DPP6: variants seen among roughly 807,000 people sequenced by gnomAD.
DPP6 encodes the protein A-type potassium channel modulatory protein DPP6.
A neutral mutation model predicts 122.6 loss-of-function variants in DPP6; 69 were observed. That is an observed-to-expected ratio of 0.56 (90% CI 0.46 to 0.69). The LOEUF (loss-of-function observed/expected upper bound fraction) is 0.69. DPP6 is among the 30% of genes least tolerant of loss of function. The probability of loss-of-function intolerance (pLI) is 0.00; values close to 1 mark genes in which losing one functional copy is unlikely to be tolerated. For missense variants in DPP6, 928 were observed against 1,116.9 expected, an observed-to-expected ratio of 0.83 and a Z score of 2.41; for synonymous variants, 418 against 433.1, an observed-to-expected ratio of 0.97 and a Z score of 0.43.
At position 154,313,685 on chromosome 7, in the gene DPP6, GTATATATATATA is replaced by G. The variant is rs1170662489; in HGVS notation, c.244-132510_244-132499del. On this transcript the variant is annotated intron_variant, in intron 1 of 25. Transcript: ENST00000377770. ...AAGCAACAAGATATTTTAAGATATG[GTATATATATATA>G]TATATATATATATATATACACACAC... is the stretch of plus-strand genomic sequence containing the variant. Among the ~76,000 whole-genome samples the G allele has an allele frequency of 1.3e-3, 27 of 20,470 alleles. 6 individuals carry two copies. The East Asian group carries it at 0.016, about 12-fold the overall frequency. 13.4% of individuals were successfully genotyped at this position (20,470 alleles called of 152,430 possible).
chr7:153,982,055 T>A (rs1796616196), intron 1 of DPP6, among the ~76,000 whole-genome samples: 1 of 152,222 alleles, frequency 6.6e-6, no homozygotes, highest in Non-Finnish European at 1.5e-5. Context: ...ATCTTTGTGG[T>A]GTTCTCTGTA....
At chr7:154,108,468 G>A (rs1806327063) in intron 1 of DPP6, among the ~76,000 whole-genome samples, 1 of 152,140 alleles carries the variant, frequency 6.6e-6, no homozygotes, top group Non-Finnish European at 1.5e-5. Flanking sequence ...TTATCCTGGA[G>A]AACACCGATG....
chr7:154,289,553 G>C (rs149381264), intron 1 of DPP6, among the ~76,000 whole-genome samples: 98 of 152,262 alleles, frequency 6.4e-4, no homozygotes, highest in African/African-American at 2.3e-3. Context: ...AAGGTGTCAG[G>C]AATATAGCAG....
the DPP6 span, among the ~76,000 whole-genome samples, chr7:153,786,941 C>A: frequency 1.4e-5 from 2 of 145,298 alleles, no homozygotes; most frequent in East Asian, 4.0e-4. Context: ...GGGAAGATTT[C>A]CTTTTTTTTG....
chr7:154,265,075 G>GACAGTGATA (rs777337829), intron 1 of DPP6, among the ~76,000 whole-genome samples: 4 of 330 alleles, frequency 0.012, no homozygotes, highest in East Asian at 0.05. Context: ...TGTTAATGGT[G>GACAGTGATA]ATGATGATGG....
chr7:154,157,763 G>A (rs1415953813), intron 1 of DPP6, among the ~76,000 whole-genome samples: 7 of 151,942 alleles, frequency 4.6e-5, no homozygotes, highest in South Asian at 2.1e-4. Flanking sequence ...GAGAAACTCC[G>A]TCTCTACTAA....
chr7:154,117,369 G>A (rs1293797467), intron 1 of DPP6, among the ~76,000 whole-genome samples: 1 of 152,104 alleles, frequency 6.6e-6, no homozygotes, highest in Non-Finnish European at 1.5e-5. Flanking sequence ...CTGCAGTCCT[G>A]TCTTGTTCTT....
chr7:153,839,524 G>T, the DPP6 span, among the ~76,000 whole-genome samples: 2 of 152,218 alleles, frequency 1.3e-5, no homozygotes, highest in African/African-American at 4.8e-5. Context: ...AGGCTGACTA[G>T]TCCAACCTCA....
rs535711528 is a variant in DPP6, at chr7:154,608,859, C to T, written c.628-28962C>T. On this transcript the variant is annotated intron_variant, in intron 5 of 25. Coordinates refer to ENST00000377770, the MANE Select transcript of DPP6 (RefSeq NM_130797.4). ...TTTGGTCACCTTTAGGAGTCATCTC[C>T]GTGAATATCTGTGACTGATAAACTG... 2.6e-5 allele frequency among the ~76,000 whole-genome samples: 4 copies of T among 152,274 alleles called. 1 individual carries two copies. In the East Asian group the frequency reaches 5.8e-4, roughly 22 times the overall value.
chr7:153,845,695 T>C, the DPP6 span, among the ~76,000 whole-genome samples: 1 of 152,128 alleles, frequency 6.6e-6, no homozygotes, highest in Admixed American at 6.5e-5. Flanking sequence ...TCATTTTCTT[T>C]TCTCCACTAG....
intron 8 of DPP6, among the ~76,000 whole-genome samples, chr7:154,749,226 A>C (rs12672315): frequency 0.097 from 2,961 of 30,404 alleles, 665 homozygotes; most frequent in African/African-American, 0.35. Flanking sequence ...AGCATAGGAC[A>C]GGAGGGAGAG....
At chr7:154,668,890 A>G (rs1254109574) in intron 6 of DPP6, among the ~76,000 whole-genome samples, 1 of 152,168 alleles carries the variant, frequency 6.6e-6, no homozygotes, top group Non-Finnish European at 1.5e-5. Flanking sequence ...CTCGACTTGT[A>G]TCTGTCAACA....
intron 1 of DPP6, among the ~76,000 whole-genome samples, chr7:154,160,618 A>T (rs1396442734): frequency 3.9e-5 from 6 of 152,114 alleles, no homozygotes; most frequent in Non-Finnish European, 7.4e-5. Context: ...TCATTCATGC[A>T]TGCTGAGGAG....
In DPP6 at chr7:154,368,162, G is replaced by A. The variant is rs147474051; in HGVS notation, c.244-78052G>A. Among the ~76,000 whole-genome samples, 8 of 152,258 alleles carry A rather than the reference G, an allele frequency of 5.3e-5. No homozygotes were observed. The East Asian group carries it at 5.8e-4, about 11-fold the overall frequency. Reference sequence around the variant, plus strand: ...ATTCTGAAAGCTATTGGATAATGGCGTTGTTTAGAATAATAACCTTATAGC... The same window carrying A: ...ATTCTGAAAGCTATTGGATAATGGCATTGTTTAGAATAATAACCTTATAGC... On this transcript the variant is annotated intron_variant, in intron 1 of 25. Transcript: ENST00000377770.
rs1823563186 is a variant in DPP6, at chr7:154,483,949, T to C, written c.457+8912T>C. ...ACCTCGTGATCTGCCCGCCTCAGCC[T>C]CCCAAAGTGTTGGGATTACAGATGT... is the stretch of plus-strand genomic sequence containing the variant. On this transcript the variant is annotated intron_variant, in intron 3 of 25. Coordinates refer to ENST00000377770, the MANE Select transcript of DPP6 (RefSeq NM_130797.4). This position sits in a 1 kb window ranked among gnomAD's most constrained non-coding sequence, Gnocchi z 8.1. Among the ~76,000 whole-genome samples the C allele has an allele frequency of 6.6e-6, 1 of 152,176 alleles. No individual in the cohort carries two copies. Among genetic ancestry groups the C allele is most frequent in the African/African-American group, 2.4e-5 (1 of 41,448 alleles).
intron 1 of DPP6, among the ~76,000 whole-genome samples, chr7:154,407,894 C>T (rs1398969455): frequency 1.3e-5 from 2 of 152,172 alleles, no homozygotes; most frequent in African/African-American, 4.8e-5. Flanking sequence ...AGGTTTCTAG[C>T]ATTGGCTTTG....
intron 2 of DPP6, among the ~76,000 whole-genome samples, chr7:154,465,757 T>A (rs1454601004): frequency 2.6e-5 from 4 of 152,176 alleles, no homozygotes; most frequent in Admixed American, 2.0e-4. Context: ...GCACTGTTGG[T>A]GGGAATGTAA....
At chr7:154,554,427 C>G (rs2130408819) in intron 4 of DPP6, among the ~76,000 whole-genome samples, 1 of 152,136 alleles carries the variant, frequency 6.6e-6, no homozygotes, top group East Asian at 1.9e-4. Flanking sequence ...TGCTTTCTAC[C>G]ATTCATTTCC....
At chr7:154,818,636 G>T (rs899562431) in intron 16 of DPP6, among the ~76,000 whole-genome samples, 3 of 152,190 alleles carry the variant, frequency 2.0e-5, no homozygotes, top group African/African-American at 7.2e-5. Context: ...CTACAAACTA[G>T]TTAATCCTCT....
Sources: gnomAD v4.1 joint callset for allele counts (sites outside exome capture counted in the v4.1 genomes callset) on GRCh38, gnomAD v4.1.1 for gene constraint, Gnocchi (gnomAD v3.1) non-coding constraint, MANE v1.5 for transcripts, NCBI Gene and HGNC (gene_info 2026-07-23, HGNC 2026-07-21) for gene names.